Variants in CA10 observed in about 807,000 individuals in gnomAD.
CA10 encodes carbonic anhydrase-related protein 10.
In CA10, 14 loss-of-function variants were observed where a neutral mutation model predicts 44.2. That is an observed-to-expected ratio of 0.32 (90% confidence interval 0.21 to 0.50). The LOEUF (loss-of-function observed/expected upper bound fraction) is 0.50. Ranked by LOEUF, CA10 falls within the 20% of genes least tolerant of loss-of-function variation. The pLI is 0.99. For synonymous variants in CA10, 159 were observed against 141.6 expected (o/e 1.12, Z -0.87); for missense variants, 350 against 409.7 (o/e 0.85, Z 1.26).
rs1913563754 is a variant in CA10, at chr17:51,651,540, C to T, written c.561+2101G>A. Among the ~76,000 whole-genome samples the T allele has an allele frequency of 3.3e-5, 5 of 152,222 alleles. No individual in the cohort carries two copies. In the South Asian group the frequency reaches 8.3e-4, roughly 25 times the overall value. On this transcript the variant is annotated intron_variant, in intron 5 of 8. Transcript: ENST00000451037. ...GAGCTAGTTATTATCCCTTCACTGA[C>T]CTCAGGGTCTACAGCCTAAGTTTCT... is the stretch of plus-strand genomic sequence containing the variant.
chr17:52,072,678 T>TACACACACACACAC lies in CA10; in HGVS notation c.62-299_62-286dup, dbSNP rs58984767. ...CTACCTGTCCTCATCATCTTCCCCA[T>TACACACACACACAC]ACACACACACACACACACACACACA... On this transcript the variant is annotated intron_variant, in intron 1 of 8. Transcript: ENST00000451037. 5.1e-3 allele frequency among the ~76,000 whole-genome samples: 711 copies of TACACACACACACAC among 140,166 alleles called. 6 individuals are homozygous for TACACACACACACAC. Among genetic ancestry groups the TACACACACACACAC allele is most frequent in the African/African-American group, 0.014 (502 of 37,150 alleles). The allele number at this position is 140,166 out of a possible 152,430, so 92.0% of individuals were successfully genotyped here. A position where few individuals can be genotyped will look rare whatever the true frequency, so the allele number is the denominator to read the frequency against.
intron 4 of CA10, among the ~76,000 whole-genome samples, chr17:51,691,354 A>G (rs1915185877): frequency 6.6e-6 from 1 of 152,184 alleles, no homozygotes; most frequent in Non-Finnish European, 1.5e-5. Flanking sequence ...TCATATACCT[A>G]TTGGTCATCG....
intron 4 of CA10, among the ~76,000 whole-genome samples, chr17:51,703,102 G>A (rs563993031): frequency 3.9e-5 from 6 of 152,240 alleles, no homozygotes; most frequent in African/African-American, 9.6e-5. Flanking sequence ...TCTCTAGGTC[G>A]TATTGTGGAG....
chr17:51,957,955 G>T (rs918332852), intron 2 of CA10, among the ~76,000 whole-genome samples: 3 of 151,304 alleles, frequency 2.0e-5, no homozygotes, highest in Admixed American at 6.6e-5. Context: ...CCCAGAGAAG[G>T]CTGTTTCTGC....
intron 4 of CA10, among the ~76,000 whole-genome samples, chr17:51,694,555 G>A (rs1410224530): frequency 2.7e-5 from 4 of 150,842 alleles, no homozygotes; most frequent in Non-Finnish European, 5.9e-5. Context: ...GGATATCAGA[G>A]CTTTGTTGGA....
At chr17:51,670,112 C>T (rs1440073768) in intron 4 of CA10, among the ~76,000 whole-genome samples, 1 of 152,196 alleles carries the variant, frequency 6.6e-6, no homozygotes, top group Non-Finnish European at 1.5e-5. Flanking sequence ...GTGAGGCTCC[C>T]CTAGCCACGT....
At chr17:52,122,208 G>A (rs1037620757) in intron 1 of CA10, among the ~76,000 whole-genome samples, 5 of 152,082 alleles carry the variant, frequency 3.3e-5, no homozygotes, top group African/African-American at 1.2e-4. Flanking sequence ...CAAAATTTAA[G>A]GTGCATTAAA....
At chr17:51,976,711 A>T (rs577243283) in intron 2 of CA10, among the ~76,000 whole-genome samples, 1 of 152,186 alleles carries the variant, frequency 6.6e-6, no homozygotes, top group African/African-American at 2.4e-5. Flanking sequence ...AATAAAAAAC[A>T]AATTAAATTG....
chr17:51,832,184 G>T (rs1908308215), intron 3 of CA10, among the ~76,000 whole-genome samples: 1 of 152,136 alleles, frequency 6.6e-6, no homozygotes, highest in Non-Finnish European at 1.5e-5. Flanking sequence ...TGTAATGTGG[G>T]GATAGCAATA....
intron 3 of CA10, among the ~76,000 whole-genome samples, chr17:51,831,663 GAAA>G (rs1325935891): frequency 4.0e-5 from 6 of 149,720 alleles, no homozygotes; most frequent in South Asian, 4.2e-4. Context: ...AAGGAGAAAA[GAAA>G]AAGCAGCAGC....
chr17:51,990,397 C>T (rs1012813006), intron 2 of CA10, among the ~76,000 whole-genome samples: 3 of 151,088 alleles, frequency 2.0e-5, no homozygotes, highest in South Asian at 2.1e-4. Context: ...CTATAATATC[C>T]AAACAGAATT....
chr17:52,119,280 C>G (rs1024944383), intron 1 of CA10, among the ~76,000 whole-genome samples: 1 of 131,134 alleles, frequency 7.6e-6, no homozygotes, highest in Admixed American at 8.0e-5. Flanking sequence ...TGTGTCAGTG[C>G]AATAAGAATC....
chr17:52,017,111 T>C (rs1488773688), intron 2 of CA10, among the ~76,000 whole-genome samples: 2 of 152,100 alleles, frequency 1.3e-5, no homozygotes, highest in Non-Finnish European at 2.9e-5. Flanking sequence ...ACCTCTTTTC[T>C]TTATAAATTA....
At chr17:51,776,570 A>T (rs543619893) in intron 3 of CA10, among the ~76,000 whole-genome samples, 44 of 152,320 alleles carry the variant, frequency 2.9e-4, no homozygotes, top group African/African-American at 9.6e-4. Context: ...AATCCAGCAC[A>T]TCTCAACTTG....
chr17:51,955,608 AC>A (rs1983636524), intron 2 of CA10, among the ~76,000 whole-genome samples: 1 of 152,120 alleles, frequency 6.6e-6, no homozygotes, highest in Non-Finnish European at 1.5e-5. Flanking sequence ...TTTCTGAGAA[AC>A]CTTCCAGCCA....
intron 1 of CA10, among the ~76,000 whole-genome samples, chr17:52,081,136 T>C (rs1011775724): frequency 1.3e-5 from 2 of 152,062 alleles, no homozygotes; most frequent in African/African-American, 4.8e-5. Flanking sequence ...AATTCAAATA[T>C]ATAAGAAAAA....
At chr17:51,858,034 CTG>C (rs1232761443) in intron 3 of CA10, among the ~76,000 whole-genome samples, 2 of 152,016 alleles carry the variant, frequency 1.3e-5, no homozygotes, top group Non-Finnish European at 2.9e-5. Flanking sequence ...ATATTTATAA[CTG>C]TGACATGCAA....
At chr17:51,882,413 A>C (rs552713499) in intron 3 of CA10, among the ~76,000 whole-genome samples, 33 of 152,104 alleles carry the variant, frequency 2.2e-4, no homozygotes, top group Non-Finnish European at 4.4e-4. Flanking sequence ...TTGTCCCAAA[A>C]CCTCAGCACC....
At chr17:52,005,929 T>C (rs1985581636) in intron 2 of CA10, among the ~76,000 whole-genome samples, 1 of 151,702 alleles carries the variant, frequency 6.6e-6, no homozygotes, top group Non-Finnish European at 1.5e-5. Flanking sequence ...GACTTAAAGG[T>C]TCAAAGCAAA....
Sources: allele counts gnomAD v4.1 joint callset (sites outside exome capture counted in the v4.1 genomes callset), GRCh38; gene constraint gnomAD v4.1.1; transcripts MANE v1.5; gene names NCBI Gene and HGNC (gene_info 2026-07-23, HGNC 2026-07-21).